Variants in LEPR observed in about 807,000 individuals in gnomAD.
LEPR encodes OB receptor.
A neutral mutation model predicts 114.7 loss-of-function variants in LEPR; 56 were observed. That is an observed-to-expected ratio of 0.49 (90% CI 0.39 to 0.61). The LOEUF is 0.61. LEPR is among the 20% of genes least tolerant of loss of function. The probability of loss-of-function intolerance (pLI) is 0.00; values close to 1 mark genes in which losing one functional copy is unlikely to be tolerated. For missense variants in LEPR, 1,202 were observed against 1,352.9 expected, an observed-to-expected ratio of 0.89 and a Z score of 1.75; for synonymous variants, 443 against 461.4, an observed-to-expected ratio of 0.96 and a Z score of 0.51.
intron 2 of LEPR, among the ~76,000 whole-genome samples, chr1:65,444,414 T>C (rs1180519604): frequency 1.3e-5 from 2 of 152,144 alleles, no homozygotes; most frequent in Admixed American, 6.5e-5. Flanking sequence ...AAAATGCTAT[T>C]GAAGCTTCAA....
intron 2 of LEPR, among the ~76,000 whole-genome samples, chr1:65,468,684 T>G (rs1292542534): frequency 6.6e-6 from 1 of 152,184 alleles, no homozygotes; most frequent in Non-Finnish European, 1.5e-5. Context: ...GGCTCTTCCT[T>G]GGAGGAGCTA....
At chr1:65,568,589 G>A (rs748245053) in intron 3 of LEPR, among the ~76,000 whole-genome samples, 1 of 151,820 alleles carries the variant, frequency 6.6e-6, no homozygotes, top group East Asian at 1.9e-4. Flanking sequence ...GGACACTTAG[G>A]TTGATTCCAT....
At chr1:65,503,796 TACACAC>T (rs71584485) in intron 2 of LEPR, among the ~76,000 whole-genome samples, 28,607 of 147,238 alleles carry the variant, frequency 0.19, 2,903 homozygotes, top group Middle Eastern at 0.24. Flanking sequence ...TGAAGTTAGC[TACACAC>T]ACACACACAC....
intron 19 of LEPR, chr1:65,635,452 T>G (rs1658684171): frequency 1.2e-6 from 1 of 814,854 alleles, no homozygotes; most frequent in African/African-American, 1.9e-5. Flanking sequence ...TTTGTCTTCA[T>G]TTCACATGTC....
intron 2 of LEPR, chr1:65,433,910 G>C: frequency 1.0e-6 from 1 of 985,122 alleles, no homozygotes; most frequent in Non-Finnish European, 1.2e-6. Context: ...GCAATAATCT[G>C]TCCTAACAGA....
At chr1:65,551,525 A>T (rs1302505213) in intron 2 of LEPR, among the ~76,000 whole-genome samples, 1 of 152,072 alleles carries the variant, frequency 6.6e-6, no homozygotes, top group African/African-American at 2.4e-5. Context: ...TTCTGGTGGT[A>T]GTTTGTATTT....
chr1:65,500,945 C>T (rs1648418696), intron 2 of LEPR, among the ~76,000 whole-genome samples: 1 of 152,062 alleles, frequency 6.6e-6, no homozygotes, highest in African/African-American at 2.4e-5. Context: ...CTGGAATTGC[C>T]TAGTAATTCC....
rs1464614573 is a variant in LEPR, at chr1:65,450,786, A to G, written c.-21+25408A>G. 4.9e-3 allele frequency among the ~76,000 whole-genome samples: 740 copies of G among 151,838 alleles called. 8 individuals are homozygous for G. Among genetic ancestry groups the G allele is most frequent in the African/African-American group, 0.017 (713 of 41,362 alleles). ...GCATGATTTATAGTCCTTTGGGTAT[A>G]CACCCAGTAATGGGATGGCTGGGTC... On this transcript the variant is annotated intron_variant, in intron 2 of 19. Transcript: ENST00000349533.
intron 2 of LEPR, among the ~76,000 whole-genome samples, chr1:65,442,745 C>T (rs898410001): frequency 1.3e-5 from 2 of 152,146 alleles, no homozygotes; most frequent in Non-Finnish European, 2.9e-5. Flanking sequence ...AAAGCAATGC[C>T]TTCCCTGCCT....
At position 65,637,066 on chromosome 1, in the gene LEPR, T is replaced by TAATA; in HGVS notation, c.*52_*55dup. On this transcript the variant is annotated 3_prime_UTR_variant, in exon 20 of 20. Coordinates refer to ENST00000349533, the MANE Select transcript of LEPR (RefSeq NM_002303.6). ...GTGTTATAATGGGTAATATAAAGTG[T>TAATA]AATAGATTATAGTTGTGGGTGGGAG... The TAATA allele has an allele frequency of 6.7e-7, 1 of 1,493,606 alleles. No individual in the cohort carries two copies. The highest frequency in any genetic ancestry group is 2.3e-5 in the East Asian group (1 of 44,278). 92.5% of individuals were successfully genotyped at this position (1,493,606 alleles called of 1,614,324 possible).
intron 2 of LEPR, among the ~76,000 whole-genome samples, chr1:65,481,076 TC>T (rs1647224716): frequency 6.6e-6 from 1 of 152,188 alleles, no homozygotes; most frequent in African/African-American, 2.4e-5. Context: ...GAGGCCTCTC[TC>T]CTTGGCTTGC....
intron 2 of LEPR, among the ~76,000 whole-genome samples, chr1:65,482,465 G>T (rs1489169729): frequency 2.0e-5 from 3 of 152,106 alleles, no homozygotes; most frequent in African/African-American, 7.2e-5. Context: ...TTATTATTAA[G>T]CTTATTAAAT....
chr1:65,462,576 C>A (rs1451878305), intron 2 of LEPR, among the ~76,000 whole-genome samples: 1 of 152,238 alleles, frequency 6.6e-6, no homozygotes, highest in Non-Finnish European at 1.5e-5. Context: ...AATCGCCACA[C>A]TGTCTTCCAC....
intron 2 of LEPR, among the ~76,000 whole-genome samples, chr1:65,447,011 G>A (rs1646721955): frequency 6.6e-6 from 1 of 151,778 alleles, no homozygotes; most frequent in African/African-American, 2.4e-5. Flanking sequence ...TTTGTATTGT[G>A]TGTAGAGACA....
At chr1:65,492,534 T>G (rs1376777326) in intron 2 of LEPR, among the ~76,000 whole-genome samples, 1 of 152,122 alleles carries the variant, frequency 6.6e-6, no homozygotes, top group Non-Finnish European at 1.5e-5. Flanking sequence ...AGGTCCTTTA[T>G]GTATTTTCTC....
At chr1:65,474,431 CAT>C (rs1647129968) in intron 2 of LEPR, among the ~76,000 whole-genome samples, 1 of 152,180 alleles carries the variant, frequency 6.6e-6, no homozygotes, top group Non-Finnish European at 1.5e-5. Context: ...ATAAAAAGGA[CAT>C]GTGTTCTTAT....
chr1:65,564,172 T>A (rs1392102396), intron 2 of LEPR, among the ~76,000 whole-genome samples: 1 of 150,214 alleles, frequency 6.7e-6, no homozygotes, highest in Non-Finnish European at 1.5e-5. Context: ...CCTTGCAGTT[T>A]GATCTCAGAC....
At chr1:65,486,745 A>G (rs11811946) in intron 2 of LEPR, among the ~76,000 whole-genome samples, 86,512 of 152,002 alleles carry the variant, frequency 0.57, 25,400 homozygotes, top group Middle Eastern at 0.7. Context: ...GGAGGCTAAC[A>G]TTTCTAGGAG....
chr1:65,467,053 C>T (rs1046139497), intron 2 of LEPR, among the ~76,000 whole-genome samples: 6 of 152,108 alleles, frequency 3.9e-5, no homozygotes, highest in Admixed American at 1.3e-4. Flanking sequence ...AACTCATTCT[C>T]GTCCAGTTCG....
Sources: gnomAD v4.1 joint callset for allele counts (sites outside exome capture counted in the v4.1 genomes callset) on GRCh38, gnomAD v4.1.1 for gene constraint, MANE v1.5 for transcripts, NCBI Gene and HGNC (gene_info 2026-07-23, HGNC 2026-07-21) for gene names.